Variants in NOL4L observed in about 807,000 individuals in gnomAD.
NOL4L encodes the protein nucleolar protein 4-like.
In NOL4L, 7 loss-of-function variants were observed where a neutral mutation model predicts 64.5. The observed-to-expected ratio is 0.11, with a 90% CI of 0.06 to 0.20. The LOEUF is 0.20. Among genes scored for constraint, NOL4L ranks in the 10% least tolerant of loss-of-function variants. The probability of loss-of-function intolerance (pLI) is 1.00; values close to 1 mark genes in which losing one functional copy is unlikely to be tolerated. For synonymous variants in NOL4L, 413 were observed against 401.0 expected (o/e 1.03, Z -0.36); for missense variants, 680 against 967.1 (o/e 0.70, Z 3.94).
intron 1 of NOL4L, among the ~76,000 whole-genome samples, chr20:32,543,436 T>C (rs2018686572): frequency 6.6e-6 from 1 of 152,102 alleles, no homozygotes; most frequent in South Asian, 2.1e-4. Context: ...CTGACCAATA[T>C]GGTGAAACCC....
chr20:32,548,203 A>G (rs2018755987), intron 1 of NOL4L, among the ~76,000 whole-genome samples: 1 of 152,152 alleles, frequency 6.6e-6, no homozygotes, highest in African/African-American at 2.4e-5. Context: ...TTGAACCTAC[A>G]TTTGCCTGAC....
intron 2 of NOL4L, among the ~76,000 whole-genome samples, chr20:32,524,443 A>G (rs545505970): frequency 3.2e-4 from 49 of 152,310 alleles, no homozygotes; most frequent in Non-Finnish European, 5.4e-4. Flanking sequence ...GATGCCAGAA[A>G]GCTCTTTTCC....
chr20:32,450,979 G>A (rs1454668214), intron 10 of NOL4L, among the ~76,000 whole-genome samples: 1 of 152,190 alleles, frequency 6.6e-6, no homozygotes, highest in East Asian at 1.9e-4. Flanking sequence ...TACACTTCCT[G>A]GTTCTGGGGG....
intron 6 of NOL4L, among the ~76,000 whole-genome samples, chr20:32,454,545 T>C (rs1742981): frequency 0.27 from 40,840 of 152,110 alleles, 6,359 homozygotes; most frequent in African/African-American, 0.43. Context: ...CAGCTCCCTC[T>C]TTTCCCCCAT....
intron 4 of NOL4L, chr20:32,486,640 T>TAA: frequency 9.3e-5 from 34 of 364,354 alleles, no homozygotes; most frequent in Admixed American, 9.2e-4. Flanking sequence ...GTCAAAACAT[T>TAA]AAAAAAAAAA....
At chr20:32,537,697 ATCGTGAGTAGCTGCCTCT>A (rs896883114) in intron 1 of NOL4L, among the ~76,000 whole-genome samples, 1 of 151,982 alleles carries the variant, frequency 6.6e-6, no homozygotes, top group Non-Finnish European at 1.5e-5. Context: ...CTGTCCCAGC[ATCGTGAGTAGCTGCCTCT>A]CCTAGCCATA....
chr20:32,523,438 T>C (rs1380735193), intron 2 of NOL4L, among the ~76,000 whole-genome samples: 3 of 152,196 alleles, frequency 2.0e-5, no homozygotes, highest in African/African-American at 7.2e-5. Flanking sequence ...CTGATTCATC[T>C]TCCTGGCTTG....
At position 32,582,849 on chromosome 20, in the gene NOL4L, G is replaced by A. The variant is rs548772323; in HGVS notation, c.321+1721C>T. On this transcript the variant is annotated intron_variant, in intron 1 of 10. Coordinates refer to ENST00000621426, the MANE Select transcript of NOL4L (RefSeq NM_001256798.2). ...GACCCAAGATGGGAGAACCGAGGAGGGGACCGACCTGGCAGGGTGGGGAGG... is the reference window on the plus strand; with the variant it reads ...GACCCAAGATGGGAGAACCGAGGAGAGGACCGACCTGGCAGGGTGGGGAGG... 5.3e-4 allele frequency among the ~76,000 whole-genome samples: 80 copies of A among 152,262 alleles called. 1 individual carries two copies. The South Asian group carries it at 6.4e-3, about 12-fold the overall frequency.
Position 32,456,138 on chromosome 20 carries a change from C to T in NOL4L, c.1099G>A (p.Gly367Arg), listed in dbSNP as rs149565837. Residue 367 changes from glycine (G) to arginine (R), a missense_variant, in exon 6 of 11, where the codon GGG becomes AGG. Gly to Arg is a moderately radical substitution (Grantham distance 125, BLOSUM62 -2). Coordinates refer to ENST00000621426, the MANE Select transcript of NOL4L (RefSeq NM_001256798.2). ...ADGLRSRVKY[G>R]VKTTPESPPY... Reference sequence around the variant, plus strand: ...CACACCTCGGGGGTGGTCTTCACCCCGTATTTGACGCGGCTCCGCAGCCCG... The same window carrying T: ...CACACCTCGGGGGTGGTCTTCACCCTGTATTTGACGCGGCTCCGCAGCCCG... 2.2e-5 allele frequency: 34 copies of T among 1,547,692 alleles called. No homozygotes were observed. The African/African-American group carries it at 3.6e-4, about 16-fold the overall frequency.
At chr20:32,498,744 C>T (rs1363119353) in intron 4 of NOL4L, among the ~76,000 whole-genome samples, 14 of 118,858 alleles carry the variant, frequency 1.2e-4, no homozygotes, top group African/African-American at 3.0e-4. Context: ...CCCTGGGCAA[C>T]GGGAGTGAGA....
intron 4 of NOL4L, among the ~76,000 whole-genome samples, chr20:32,478,884 G>A (rs1225897695): frequency 3.3e-5 from 5 of 152,198 alleles, no homozygotes; most frequent in South Asian, 2.1e-4. Context: ...ACCTGGCTGC[G>A]ACAGCAAATT....
intron 4 of NOL4L, among the ~76,000 whole-genome samples, chr20:32,482,873 G>T (rs925764709): frequency 6.6e-6 from 1 of 151,508 alleles, no homozygotes; most frequent in Admixed American, 6.6e-5. Flanking sequence ...GCGGCAACCC[G>T]AGCCCGGCCC....
intron 5 of NOL4L, among the ~76,000 whole-genome samples, chr20:32,462,452 A>G (rs751963148): frequency 1.3e-5 from 2 of 152,154 alleles, no homozygotes; most frequent in Non-Finnish European, 2.9e-5. Context: ...AGGAGGGCTC[A>G]TGCCCACAGA....
At chr20:32,506,532 G>A (rs201955461) in intron 4 of NOL4L, among the ~76,000 whole-genome samples, 24 of 152,140 alleles carry the variant, frequency 1.6e-4, no homozygotes, top group East Asian at 3.9e-4. Context: ...GTGGTGGTGC[G>A]TGCCTGTAAT....
At position 32,443,137 on chromosome 20, in the gene NOL4L, C is replaced by T. The variant is rs932746066; in HGVS notation, c.*4459G>A. On this transcript the variant is annotated 3_prime_UTR_variant, in exon 11 of 11. Transcript: ENST00000621426. Reference sequence around the variant, plus strand: ...CAGATTCAAAAGGAAAAGGATTCCACATACTTATGAAATCAGTGCATTTAG... The same window carrying T: ...CAGATTCAAAAGGAAAAGGATTCCATATACTTATGAAATCAGTGCATTTAG... 2 of 152,196 alleles carry T rather than the reference C, an allele frequency of 1.3e-5. No individual in the cohort carries two copies. The highest frequency in any genetic ancestry group is 4.8e-5 in the African/African-American group (2 of 41,448). The allele number at this position is 152,196 out of a possible 1,614,324, so 9.4% of individuals were successfully genotyped here.
chr20:32,490,144 A>ACAAAAAC (rs1555797122), intron 4 of NOL4L, among the ~76,000 whole-genome samples: 4 of 122,208 alleles, frequency 3.3e-5, no homozygotes, highest in African/African-American at 1.3e-4. Flanking sequence ...AAAAAAAAAA[A>ACAAAAAC]ATATATATAC....
chr20:32,483,980 A>C (rs1401000560), intron 4 of NOL4L, among the ~76,000 whole-genome samples: 1 of 149,464 alleles, frequency 6.7e-6, no homozygotes, highest in Non-Finnish European at 1.5e-5. Context: ...CCCGGAAAGA[A>C]GGCGCTGGGA....
intron 1 of NOL4L, among the ~76,000 whole-genome samples, chr20:32,547,274 C>A (rs1053143776): frequency 6.6e-6 from 1 of 152,114 alleles, no homozygotes; most frequent in African/African-American, 2.4e-5. Context: ...GAGACCAGCC[C>A]GGGCAGCCTG....
At position 32,555,299 on chromosome 20, in the gene NOL4L, G is replaced by T. The variant is rs886266052; in HGVS notation, c.322-27386C>A. Among the ~76,000 whole-genome samples, 5 of 152,196 alleles carry T rather than the reference G, an allele frequency of 3.3e-5. No individual in the cohort carries two copies. In the South Asian group the frequency reaches 1.0e-3, roughly 32 times the overall value. ...GTTAATGTGACTGTATTTGTGGATA[G>T]GACCTTTTTAAAAATTTTTAAATTT... is the stretch of plus-strand genomic sequence containing the variant. On this transcript the variant is annotated intron_variant, in intron 1 of 10. Coordinates refer to ENST00000621426, the MANE Select transcript of NOL4L (RefSeq NM_001256798.2).
Sources: allele counts gnomAD v4.1 joint callset (sites outside exome capture counted in the v4.1 genomes callset), GRCh38; gene constraint gnomAD v4.1.1; transcripts MANE v1.5; gene names NCBI Gene and HGNC (gene_info 2026-07-23, HGNC 2026-07-21).